BRWD1: variants seen among roughly 807,000 people sequenced by gnomAD.
BRWD1 encodes bromodomain and WD repeat domain containing 1.
BRWD1 carries 82 observed loss-of-function variants against 251.2 expected under a neutral mutation model. The observed-to-expected ratio is 0.33, with a 90% CI of 0.27 to 0.39. BRWD1 has a LOEUF of 0.39. Among genes scored for constraint, BRWD1 ranks in the 10% least tolerant of loss-of-function variants. The pLI, the probability that BRWD1 is intolerant of heterozygous loss-of-function variation, is 1.00. For synonymous variants in BRWD1, 918 were observed against 902.8 expected (o/e 1.02, Z -0.30); for missense variants, 2,233 against 2,711.6 (o/e 0.82, Z 3.92).
intron 14 of BRWD1, 97 bp downstream of exon 14, chr21:39,270,186 G>C: frequency 7.9e-7 from 1 of 1,258,360 alleles, no homozygotes; most frequent in Admixed American, 3.1e-5. Flanking sequence ...GTTTACATGA[G>C]AGAAACAACT....
intron 29 of BRWD1, among the ~76,000 whole-genome samples, chr21:39,223,880 C>T (rs563140600): frequency 1.3e-3 from 193 of 152,248 alleles, no homozygotes; most frequent in Non-Finnish European, 2.3e-3. Flanking sequence ...GATGGAGTCT[C>T]GCTGTCGCCT....
rs1450734411 is a variant in BRWD1 at position 39,206,362 on chromosome 21, G to GTATT, written c.4198-92_4198-89dup. 1.2e-5 allele frequency: 12 copies of GTATT among 1,005,996 alleles called. No individual in the cohort carries two copies. In the Admixed American group the frequency reaches 3.3e-4, roughly 28 times the overall value. The allele number at this position is 1,005,996 out of a possible 1,614,324, so 62.3% of individuals were successfully genotyped here. ...TGTAATCATTGAGATCCCTTGCAAT[G>GTATT]TATTATATCACTGCTTATAGGTAAT... On this transcript the variant is annotated intron_variant, in intron 36 of 40. Coordinates refer to ENST00000342449, the MANE Select transcript of BRWD1 (RefSeq NM_033656.4).
rs998362877 is a variant in BRWD1 at position 39,193,769 on chromosome 21, C to T, written c.*2490G>A. 9 of 985,340 alleles carry T rather than the reference C, an allele frequency of 9.1e-6. No homozygotes were observed. The African/African-American group carries it at 1.4e-4, about 15-fold the overall frequency. 61.0% of individuals were successfully genotyped at this position (985,340 alleles called of 1,614,324 possible). Reference sequence around the variant, plus strand: ...TAAAGTACACCTGTGCATTAAATCCCTGGGCATTTTGCATAACGTAGAAAA... The same window carrying T: ...TAAAGTACACCTGTGCATTAAATCCTTGGGCATTTTGCATAACGTAGAAAA... On this transcript the variant is annotated 3_prime_UTR_variant, in exon 41 of 41. Coordinates refer to ENST00000342449, the MANE Select transcript of BRWD1 (RefSeq NM_033656.4).
chr21:39,197,871 T>C (rs940288530), intron 40 of BRWD1, among the ~76,000 whole-genome samples: 1 of 152,188 alleles, frequency 6.6e-6, no homozygotes, highest in African/African-American at 2.4e-5. Flanking sequence ...TTAACCTTCA[T>C]TATAATCTTA....
rs1463280634 is a variant in BRWD1, at chr21:39,187,152, T to A, written c.*9107A>T. The A allele has an allele frequency of 6.2e-7, 1 of 1,613,834 alleles. No homozygotes were observed. Among genetic ancestry groups the A allele is most frequent in the South Asian group, 1.1e-5 (1 of 90,946 alleles). On this transcript the variant is annotated 3_prime_UTR_variant, in exon 41 of 41. Coordinates refer to ENST00000342449, the MANE Select transcript of BRWD1 (RefSeq NM_033656.4). ...CATCCTCTTTATAAACATTCAGTAA[T>A]TTTTTCTTAGCCGCAGCAGAAGCAT...
intron 7 of BRWD1, among the ~76,000 whole-genome samples, chr21:39,294,653 T>TG (rs1234518584): frequency 4.7e-5 from 4 of 84,552 alleles, no homozygotes; most frequent in Non-Finnish European, 1.1e-4. Context: ...AGACTCCGTC[T>TG]CAAAAAAAAA....
At chr21:39,297,755 T>G (rs1029233086) in intron 5 of BRWD1, 1 of 560,412 alleles carries the variant, frequency 1.8e-6, no homozygotes, top group Non-Finnish European at 2.3e-6. Flanking sequence ...TAATAAAAAA[T>G]AATCATGGGA....
At chr21:39,304,045 G>A (rs543340214) in intron 4 of BRWD1, among the ~76,000 whole-genome samples, 3 of 150,550 alleles carry the variant, frequency 2.0e-5, no homozygotes, top group Admixed American at 6.6e-5. Context: ...GGAGGCTTAG[G>A]CAGGAGAATC....
chr21:39,249,126 T>C (rs1337099978), intron 20 of BRWD1, among the ~76,000 whole-genome samples: 1 of 152,060 alleles, frequency 6.6e-6, no homozygotes, highest in Admixed American at 6.6e-5. Context: ...GAAAACCAAG[T>C]ACCACATATT....
Position 39,264,445 on chromosome 21 carries a change from A to G in BRWD1, c.1885+15T>C. ...TACAACTTTAAAAAAAAAAAAAAAA[A>G]AAGACTGCACTTACTTGTTGCCACA... On this transcript the variant is annotated intron_variant, in intron 17 of 40. Coordinates refer to ENST00000342449, the MANE Select transcript of BRWD1 (RefSeq NM_033656.4). The G allele has an allele frequency of 2.1e-6, 3 of 1,420,828 alleles. No individual in the cohort carries two copies. The highest frequency in any genetic ancestry group is 1.4e-5 in the South Asian group (1 of 73,362). The allele number at this position is 1,420,828 out of a possible 1,614,324, so 88.0% of individuals were successfully genotyped here.
chr21:39,282,560 T>C (rs75585822), intron 8 of BRWD1, among the ~76,000 whole-genome samples: 2,315 of 152,126 alleles, frequency 0.015, 56 homozygotes, highest in African/African-American at 0.053. Flanking sequence ...GCTTTCACTT[T>C]AAAAAAAATT....
In BRWD1 at chr21:39,299,261, T is replaced by A. The variant is rs112066443; in HGVS notation, c.199-679A>T. On this transcript the variant is annotated intron_variant, in intron 4 of 40. Coordinates refer to ENST00000342449, the MANE Select transcript of BRWD1 (RefSeq NM_033656.4). ...CTCGCCTGTCTCAAAAAAAAAAAAA[T>A]ATATATATATGCTAACTGGCCTGTA... Among the ~76,000 whole-genome samples, 203 of 43,306 alleles carry A rather than the reference T, an allele frequency of 4.7e-3. 1 individual carries two copies. Among genetic ancestry groups the A allele is most frequent in the South Asian group, 7.1e-3 (9 of 1,262 alleles). The allele number at this position is 43,306 out of a possible 152,430, so 28.4% of individuals were successfully genotyped here.
intron 4 of BRWD1, among the ~76,000 whole-genome samples, chr21:39,311,118 A>C (rs1279663596): frequency 3.9e-5 from 6 of 152,084 alleles, no homozygotes; most frequent in African/African-American, 1.4e-4. Context: ...AACAATAGTA[A>C]GTAGGGTTTT....
intron 8 of BRWD1, among the ~76,000 whole-genome samples, chr21:39,291,411 CCAAACGTTAAGTTT>C (rs1461917804): frequency 6.6e-6 from 1 of 152,146 alleles, no homozygotes; most frequent in East Asian, 1.9e-4. Flanking sequence ...TTCAGTCTAA[CCAAACGTTAAGTTT>C]CAAAACATGA....
intron 13 of BRWD1, among the ~76,000 whole-genome samples, chr21:39,272,071 A>C (rs1015195598): frequency 6.6e-6 from 1 of 151,698 alleles, no homozygotes; most frequent in Non-Finnish European, 1.5e-5. Context: ...GTAATTACAA[A>C]AAAAAAACAC....
intron 5 of BRWD1, chr21:39,297,305 A>G: frequency 1.0e-6 from 1 of 985,472 alleles, no homozygotes; most frequent in Non-Finnish European, 1.2e-6. Flanking sequence ...GAATGGATTC[A>G]TTACCACTAT....
rs1435999213 is a variant in BRWD1 at position 39,196,766 on chromosome 21, G to C, written c.6303C>G (p.Leu2101=). ...TAAAAGGAGCCTTTCCATAGGTCCTGAGTCTTCTGCCATTCCACCTGCGCA... is the reference window on the plus strand; with the variant it reads ...TAAAAGGAGCCTTTCCATAGGTCCTCAGTCTTCTGCCATTCCACCTGCGCA... The part of the protein sequence containing the change: ...YGLRRWNGRR[L]RTYGKAPFSK... The change falls in exon 41 of 41, where the codon CTC becomes CTG. Residue 2101 remains leucine (L), a synonymous_variant. Coordinates refer to ENST00000342449, the MANE Select transcript of BRWD1 (RefSeq NM_033656.4). 6.2e-7 allele frequency: 1 copy of C among 1,613,176 alleles called. No individual in the cohort carries two copies. Among genetic ancestry groups the C allele is most frequent in the Non-Finnish European group, 8.5e-7 (1 of 1,179,896 alleles).
At chr21:39,281,825 G>A (rs2035466718) in intron 8 of BRWD1, among the ~76,000 whole-genome samples, 1 of 151,642 alleles carries the variant, frequency 6.6e-6, no homozygotes, top group South Asian at 2.1e-4. Flanking sequence ...CTGAGATGGC[G>A]CCACTGCACT....
chr21:39,295,773 T>C lies in BRWD1; in HGVS notation c.579A>G (p.Ala193=). 1.2e-6 allele frequency: 2 copies of C among 1,606,666 alleles called. No individual in the cohort carries two copies. The highest frequency in any genetic ancestry group is 1.7e-6 in the Non-Finnish European group (2 of 1,175,754). ...AGATTCTATGTCCTGTCCTATCAAA[T>C]GCTACACAGTAAACAGCAGATAGAT... The part of the protein sequence containing the change: ...LGHLSAVYCV[A]FDRTGHRIFT... The change falls in exon 7 of 41, where the codon GCA becomes GCG. Residue 193 remains alanine (A), a synonymous_variant. Coordinates refer to ENST00000342449, the MANE Select transcript of BRWD1 (RefSeq NM_033656.4).
Sources: gnomAD v4.1 joint callset for allele counts (sites outside exome capture counted in the v4.1 genomes callset) on GRCh38, gnomAD v4.1.1 for gene constraint, MANE v1.5 for transcripts, NCBI Gene and HGNC (gene_info 2026-07-23, HGNC 2026-07-21) for gene names.